Variants in EPS15 observed in about 807,000 individuals in gnomAD.
EPS15 encodes the protein epidermal growth factor receptor substrate 15.
EPS15 carries 72 observed loss-of-function variants against 113.8 expected under a neutral mutation model. That is an observed-to-expected ratio of 0.63 (90% CI 0.52 to 0.77). The LOEUF (loss-of-function observed/expected upper bound fraction) is 0.77, where lower values mean the gene tolerates loss of function less well. Among genes scored for constraint, EPS15 ranks in the 30% least tolerant of loss-of-function variants. The pLI, the probability that EPS15 is intolerant of heterozygous loss-of-function variation, is 0.00. For missense variants in EPS15, 1,048 were observed against 1,045.8 expected (o/e 1.00, Z -0.03); for synonymous variants, 344 against 363.4 (o/e 0.95, Z 0.61).
chr1:51,500,861 G>T (rs1355741826), intron 1 of EPS15, among the ~76,000 whole-genome samples: 1 of 151,886 alleles, frequency 6.6e-6, no homozygotes, highest in African/African-American at 2.4e-5. Flanking sequence ...GCACACACCT[G>T]TAATCCCAGC....
At chr1:51,382,418 T>A (rs1646962140) in intron 21 of EPS15, 2 of 134,902 alleles carry the variant, frequency 1.5e-5, no homozygotes, top group Non-Finnish European at 3.2e-5. Context: ...TATTTTTAAT[T>A]TTTTTTTTTT....
intron 6 of EPS15, 55 bp downstream of exon 6, chr1:51,465,206 G>T: frequency 9.4e-7 from 1 of 1,064,894 alleles, no homozygotes; most frequent in Non-Finnish European, 1.4e-6. Context: ...GAGGTAGAGA[G>T]AGAGTAGATA....
At chr1:51,369,462 G>C (rs1646592374) in intron 21 of EPS15, among the ~76,000 whole-genome samples, 1 of 152,104 alleles carries the variant, frequency 6.6e-6, no homozygotes, top group African/African-American at 2.4e-5. Context: ...AGCAGAACTG[G>C]GCTTTAGCTG....
chr1:51,428,890 C>G (rs1489515306), intron 12 of EPS15, among the ~76,000 whole-genome samples: 2 of 150,200 alleles, frequency 1.3e-5, no homozygotes, highest in Non-Finnish European at 3.0e-5. Flanking sequence ...TGTATAGGAC[C>G]AGAATTTTAT....
chr1:51,516,609 C>A (rs1434295288), intron 1 of EPS15, among the ~76,000 whole-genome samples: 1 of 152,098 alleles, frequency 6.6e-6, no homozygotes, highest in East Asian at 1.9e-4. Context: ...GGAAGGAAGG[C>A]ATAAGCTAAA....
intron 1 of EPS15, among the ~76,000 whole-genome samples, chr1:51,518,742 G>A (rs1190370041): frequency 6.6e-6 from 1 of 152,050 alleles, no homozygotes; most frequent in Non-Finnish European, 1.5e-5. Context: ...TACTGGGGGC[G>A]GCGCGCAGCC....
chr1:51,483,142 G>A (rs1345633201), intron 1 of EPS15, among the ~76,000 whole-genome samples: 4 of 152,086 alleles, frequency 2.6e-5, no homozygotes, highest in Non-Finnish European at 5.9e-5. Context: ...TCTGTATATG[G>A]TACCTGCCCA....
intron 13 of EPS15, among the ~76,000 whole-genome samples, chr1:51,412,814 C>G (rs1429790333): frequency 6.6e-6 from 1 of 152,232 alleles, no homozygotes; most frequent in Non-Finnish European, 1.5e-5. Flanking sequence ...CTTAAAATCT[C>G]TCTTTAAGCT....
intron 1 of EPS15, among the ~76,000 whole-genome samples, chr1:51,487,407 G>T (rs1644145126): frequency 6.6e-6 from 1 of 151,978 alleles, no homozygotes; most frequent in Non-Finnish European, 1.5e-5. Context: ...ATCTACTAAT[G>T]CAATAAAAAC....
intron 13 of EPS15, among the ~76,000 whole-genome samples, chr1:51,413,172 G>A (rs1023799191): frequency 6.6e-6 from 1 of 151,940 alleles, no homozygotes; most frequent in Admixed American, 6.6e-5. Context: ...TGTCTTCAAT[G>A]TCCTTCCACA....
intron 12 of EPS15, among the ~76,000 whole-genome samples, chr1:51,426,197 A>G (rs1412028802): frequency 6.6e-6 from 1 of 151,722 alleles, no homozygotes; most frequent in African/African-American, 2.4e-5. Flanking sequence ...CAGTCCTTTT[A>G]GGAGATTGCT....
chr1:51,428,889 C>T (rs1223421709), intron 12 of EPS15, among the ~76,000 whole-genome samples: 1 of 149,110 alleles, frequency 6.7e-6, no homozygotes, highest in Non-Finnish European at 1.5e-5. Context: ...CTGTATAGGA[C>T]CAGAATTTTA....
At chr1:51,465,596 T>A (rs1654787641) in intron 5 of EPS15, among the ~76,000 whole-genome samples, 1 of 152,096 alleles carries the variant, frequency 6.6e-6, no homozygotes, top group Non-Finnish European at 1.5e-5. Flanking sequence ...TGCAGTGGCA[T>A]GATTTCGGCT....
chr1:51,488,715 G>C (rs548490009), intron 1 of EPS15, among the ~76,000 whole-genome samples: 2 of 152,062 alleles, frequency 1.3e-5, no homozygotes, highest in African/African-American at 4.8e-5. Flanking sequence ...GGAATTATAG[G>C]CATGAGCCAC....
chr1:51,450,445 G>T (rs979706565), intron 8 of EPS15, among the ~76,000 whole-genome samples: 1 of 151,742 alleles, frequency 6.6e-6, no homozygotes, highest in African/African-American at 2.4e-5. Context: ...CATGGCAAGA[G>T]CAGGAGCAAG....
At chr1:51,446,289 T>C (rs990688085) in intron 10 of EPS15, among the ~76,000 whole-genome samples, 2 of 152,220 alleles carry the variant, frequency 1.3e-5, no homozygotes, top group Non-Finnish European at 2.9e-5. Flanking sequence ...GGTATGAAAG[T>C]ATACATATAC....
At chr1:51,380,287 T>C (rs995878331) in intron 21 of EPS15, among the ~76,000 whole-genome samples, 1 of 151,848 alleles carries the variant, frequency 6.6e-6, no homozygotes, top group Non-Finnish European at 1.5e-5. Flanking sequence ...TGAAAGGATG[T>C]TAGACACCAA....
chr1:51,360,212 C>G (rs149306437), intron 24 of EPS15, among the ~76,000 whole-genome samples: 86 of 152,120 alleles, frequency 5.7e-4, no homozygotes, highest in African/African-American at 2.0e-3. Flanking sequence ...GCCACTAGAT[C>G]TATTTCCAAA....
At chr1:51,426,015 C>T (rs147099682) in intron 12 of EPS15, among the ~76,000 whole-genome samples, 3 of 152,182 alleles carry the variant, frequency 2.0e-5, no homozygotes, top group Admixed American at 6.5e-5. Context: ...TCAAAATAAC[C>T]TATCTACTCT....
Sources: allele counts gnomAD v4.1 joint callset (sites outside exome capture counted in the v4.1 genomes callset), GRCh38; gene constraint gnomAD v4.1.1; transcripts MANE v1.5; gene names NCBI Gene and HGNC (gene_info 2026-07-23, HGNC 2026-07-21).